Variants in PDGFD observed in about 807,000 individuals in gnomAD.
PDGFD encodes the protein platelet derived growth factor D, also known as platelet-derived growth factor D.
In PDGFD, 30 loss-of-function variants were observed where a neutral mutation model predicts 44.7. The ratio of observed to expected loss-of-function variants is 0.67; its 90% CI spans 0.50 to 0.91. The LOEUF is 0.91. Among genes scored for constraint, PDGFD ranks in the 40% least tolerant of loss-of-function variants. PDGFD has a pLI of 0.00. For missense variants in PDGFD, 445 were observed against 457.8 expected (o/e 0.97, Z 0.25); for synonymous variants, 173 against 168.4 (o/e 1.03, Z -0.21).
Position 104,117,045 on chromosome 11 carries a change from G to T in PDGFD, c.124+46759C>A, listed in dbSNP as rs570692261. ...ATAATAATCCATGAGGATCAAGTAG[G>T]TTTCATACCAGGGATGCAGGGATGG... On this transcript the variant is annotated intron_variant, in intron 1 of 6. Coordinates refer to ENST00000393158, the MANE Select transcript of PDGFD (RefSeq NM_025208.5). Among the ~76,000 whole-genome samples the T allele has an allele frequency of 5.3e-5, 8 of 151,974 alleles. No homozygotes were observed. The South Asian group carries it at 1.0e-3, about 20-fold the overall frequency.
At chr11:103,949,727 G>A (rs997555208) in intron 3 of PDGFD, among the ~76,000 whole-genome samples, 3 of 152,236 alleles carry the variant, frequency 2.0e-5, no homozygotes, top group South Asian at 2.1e-4. Context: ...AAATAAACAC[G>A]TGCAGTAAAC....
At chr11:103,998,796 AT>A (rs1302535990) in intron 2 of PDGFD, among the ~76,000 whole-genome samples, 1 of 152,166 alleles carries the variant, frequency 6.6e-6, no homozygotes, top group African/African-American at 2.4e-5. Context: ...TAGTGTCTGA[AT>A]TGAATTGAAT....
chr11:104,085,927 A>C (rs1861122392), intron 1 of PDGFD, among the ~76,000 whole-genome samples: 2 of 152,190 alleles, frequency 1.3e-5, no homozygotes, highest in South Asian at 4.1e-4. Context: ...GACTCCCAGG[A>C]ATTCTTGTGT....
intron 5 of PDGFD, among the ~76,000 whole-genome samples, chr11:103,929,791 A>G (rs1858371996): frequency 6.6e-6 from 1 of 152,210 alleles, no homozygotes; most frequent in African/African-American, 2.4e-5. Flanking sequence ...CAGTCAAAGA[A>G]GACTGATAAG....
intron 1 of PDGFD, among the ~76,000 whole-genome samples, chr11:104,025,771 T>C (rs1300298705): frequency 1.3e-5 from 2 of 152,136 alleles, no homozygotes; most frequent in African/African-American, 4.8e-5. Flanking sequence ...GCAGCAACAG[T>C]GTCTGCTTCA....
chr11:103,962,198 AT>A (rs1858948669), intron 3 of PDGFD, among the ~76,000 whole-genome samples: 1 of 152,176 alleles, frequency 6.6e-6, no homozygotes, highest in Non-Finnish European at 1.5e-5. Context: ...GTCATTCCTT[AT>A]TTTGGTAATC....
chr11:103,961,826 G>A (rs1858940685), intron 3 of PDGFD, among the ~76,000 whole-genome samples: 1 of 152,142 alleles, frequency 6.6e-6, no homozygotes, highest in South Asian at 2.1e-4. Flanking sequence ...CAGCCCCAAA[G>A]GGTTAAGTGT....
chr11:104,137,534 T>C (rs1184944399), intron 1 of PDGFD, among the ~76,000 whole-genome samples: 1 of 152,132 alleles, frequency 6.6e-6, no homozygotes, highest in African/African-American at 2.4e-5. Context: ...AATTTTACAG[T>C]GATCCAAAAA....
At position 103,996,019 on chromosome 11, in the gene PDGFD, A is replaced by AT. The variant is rs1317581184; in HGVS notation, c.510+45dup. The AT allele has an allele frequency of 3.3e-6, 5 of 1,533,032 alleles. No individual in the cohort carries two copies. In the African/African-American group the frequency reaches 6.9e-5, roughly 21 times the overall value. The allele number at this position is 1,533,032 out of a possible 1,614,324, so 95.0% of individuals were successfully genotyped here. On this transcript the variant is annotated intron_variant, in intron 3 of 6. Coordinates refer to ENST00000393158, the MANE Select transcript of PDGFD (RefSeq NM_025208.5). ...CATAGAAAATTGATCTCTACACTTC[A>AT]TGAAACCAGTGTCTGCTTTTAATCA...
intron 3 of PDGFD, among the ~76,000 whole-genome samples, chr11:103,968,985 A>G (rs1859061484): frequency 6.6e-6 from 1 of 152,172 alleles, no homozygotes; most frequent in African/African-American, 2.4e-5. Context: ...ACTCTTTCCC[A>G]TTTATCTAAT....
chr11:104,065,863 AG>A (rs1301341116), intron 1 of PDGFD, among the ~76,000 whole-genome samples: 3 of 152,172 alleles, frequency 2.0e-5, no homozygotes. Flanking sequence ...GTCCGTTCTA[AG>A]GGATCTCTAG....
chr11:103,966,698 A>T (rs995117992), intron 3 of PDGFD, among the ~76,000 whole-genome samples: 1 of 152,200 alleles, frequency 6.6e-6, no homozygotes, highest in Admixed American at 6.5e-5. Flanking sequence ...TGGATTTCTG[A>T]CATTGGTTGT....
intron 1 of PDGFD, among the ~76,000 whole-genome samples, chr11:104,069,457 G>T (rs997476792): frequency 1.3e-5 from 2 of 152,132 alleles, no homozygotes; most frequent in Non-Finnish European, 2.9e-5. Flanking sequence ...TAAATATCTT[G>T]TTAAAAGATA....
At chr11:103,968,266 T>C (rs956849620) in intron 3 of PDGFD, among the ~76,000 whole-genome samples, 3 of 152,212 alleles carry the variant, frequency 2.0e-5, no homozygotes, top group African/African-American at 7.2e-5. Context: ...TCACTGACTT[T>C]TCTGGCTTCA....
intron 3 of PDGFD, among the ~76,000 whole-genome samples, chr11:103,990,471 CTATG>C (rs1447582969): frequency 6.6e-6 from 1 of 152,188 alleles, no homozygotes; most frequent in East Asian, 1.9e-4. Flanking sequence ...TTGAATGTTT[CTATG>C]TATGCATGTA....
chr11:104,102,390 A>G (rs1430191667), intron 1 of PDGFD, among the ~76,000 whole-genome samples: 1 of 152,158 alleles, frequency 6.6e-6, no homozygotes, highest in African/African-American at 2.4e-5. Flanking sequence ...ACCATCTCAC[A>G]CCAGTTAGAA....
At chr11:104,007,459 T>C (rs778373804) in intron 1 of PDGFD, among the ~76,000 whole-genome samples, 3 of 152,224 alleles carry the variant, frequency 2.0e-5, no homozygotes, top group Non-Finnish European at 2.9e-5. Flanking sequence ...ATATTATACA[T>C]GACAACATAA....
intron 1 of PDGFD, among the ~76,000 whole-genome samples, chr11:104,114,703 AC>A (rs1254318068): frequency 6.6e-6 from 1 of 151,972 alleles, no homozygotes; most frequent in Non-Finnish European, 1.5e-5. Flanking sequence ...TAATATATTG[AC>A]AATATTGAAT....
At chr11:104,102,450 A>G (rs1861401895) in intron 1 of PDGFD, among the ~76,000 whole-genome samples, 3 of 152,174 alleles carry the variant, frequency 2.0e-5, no homozygotes, top group Admixed American at 6.5e-5. Context: ...GAGGATGTGG[A>G]GAAATAGGAA....
Sources: allele counts gnomAD v4.1 joint callset (sites outside exome capture counted in the v4.1 genomes callset), GRCh38; gene constraint gnomAD v4.1.1; transcripts MANE v1.5; gene names NCBI Gene and HGNC (gene_info 2026-07-23, HGNC 2026-07-21).